Variants in HSPD1 observed in about 807,000 individuals in gnomAD.
The protein encoded by HSPD1 is heat shock protein family D (Hsp60) member 1, also known as 60 kDa heat shock protein, mitochondrial.
HSPD1 carries 3 observed loss-of-function variants against 53.0 expected under a neutral mutation model. That is an observed-to-expected ratio of 0.06 (90% confidence interval 0.03 to 0.15). HSPD1 has a LOEUF of 0.15. Among genes scored for constraint, HSPD1 ranks in the 10% least tolerant of loss-of-function variants. The pLI, the probability that HSPD1 is intolerant of heterozygous loss-of-function variation, is 1.00. For synonymous variants in HSPD1, 200 were observed against 228.0 expected, an observed-to-expected ratio of 0.88 and a Z score of 1.10; for missense variants, 431 against 694.1, an observed-to-expected ratio of 0.62 and a Z score of 4.26.
intron 2 of HSPD1, among the ~76,000 whole-genome samples, chr2:197,498,415 G>A (rs2086187815): frequency 6.6e-6 from 1 of 152,178 alleles, no homozygotes; most frequent in Non-Finnish European, 1.5e-5. Flanking sequence ...TCGAGTTTAA[G>A]AATCCACCTT....
intron 4 of HSPD1, 102 bp from the exon 5 acceptor site, chr2:197,494,854 C>G: frequency 1.3e-6 from 1 of 793,422 alleles, no homozygotes; most frequent in Non-Finnish European, 2.3e-6. Context: ...TACTTCCATC[C>G]AGGGGAGAGA....
chr2:197,500,184 T>C, upstream of HSPD1: 1 of 583,372 alleles, frequency 1.7e-6, no homozygotes, highest in Middle Eastern at 4.7e-4. Flanking sequence ...TAGAAAAGCC[T>C]AGAAACAGCT....
chr2:197,492,147 T>C (rs763531968), intron 7 of HSPD1, among the ~76,000 whole-genome samples: 1 of 152,192 alleles, frequency 6.6e-6, no homozygotes, highest in Non-Finnish European at 1.5e-5. Flanking sequence ...ACAGAGTCTG[T>C]CTCTCAAAAT....
intron 8 of HSPD1, among the ~76,000 whole-genome samples, chr2:197,489,654 G>A: frequency 6.6e-6 from 1 of 152,092 alleles, no homozygotes; most frequent in Admixed American, 6.6e-5. Flanking sequence ...GAGTCCAGAA[G>A]TTTGAGAAGC....
Position 197,497,266 on chromosome 2 carries a change from C to T in HSPD1, c.301G>A (p.Val101Ile), listed in dbSNP as rs973112544. ...GCTTCTTCATTTGTGTTATTGGCAA[C>T]ATCTTGAACAAGTTTAGCTCCAATG... ...KNIGAKLVQD[V>I]ANNTNEEAGD... The change falls in exon 3 of 12, where the codon GTT becomes ATT. Residue 101 changes from valine to isoleucine, a missense_variant. By Grantham distance (29) the Val-to-Ile change is conservative. Coordinates refer to ENST00000388968, the MANE Select transcript of HSPD1 (RefSeq NM_002156.5). 1 of 1,614,076 alleles carries T rather than the reference C, an allele frequency of 6.2e-7. No individual in the cohort carries two copies. The highest frequency in any genetic ancestry group is 8.5e-7 in the Non-Finnish European group (1 of 1,179,932).
At position 197,496,895 on chromosome 2, in the gene HSPD1, G is replaced by C. The variant is rs1670877092; in HGVS notation, c.427+245C>G. ...AGTGCAGTCCAGCCTGGGCTACAGA[G>C]CAAGACCCTGTCTCTAAAAACAAAA... On this transcript the variant is annotated intron_variant, in intron 3 of 11. Transcript: ENST00000388968. 57 of 508,162 alleles carry C rather than the reference G, an allele frequency of 1.1e-4. No homozygotes were observed. In the South Asian group the frequency reaches 1.1e-3, roughly 10 times the overall value. 31.5% of individuals were successfully genotyped at this position (508,162 alleles called of 1,614,324 possible). A position where few individuals can be genotyped will look rare whatever the true frequency, so the allele number is the denominator to read the frequency against.
At position 197,490,407 on chromosome 2, in the gene HSPD1, G is replaced by A; in HGVS notation, c.870-111C>T. 4.2e-6 allele frequency: 3 copies of A among 713,338 alleles called. No individual in the cohort carries two copies. In the South Asian group the frequency reaches 4.9e-5, roughly 12 times the overall value. 44.2% of individuals were successfully genotyped at this position (713,338 alleles called of 1,614,324 possible). A position where few individuals can be genotyped will look rare whatever the true frequency, so the allele number is the denominator to read the frequency against. ...AGGACTCCCTAAGTAATCTGGTTTGGTTTTTGTGTTTTTTTGTTTTTTTTT... is the reference window on the plus strand; with the variant it reads ...AGGACTCCCTAAGTAATCTGGTTTGATTTTTGTGTTTTTTTGTTTTTTTTT... On this transcript the variant is annotated intron_variant, in intron 7 of 11. Transcript: ENST00000388968.
intron 5 of HSPD1, 48 bp downstream of exon 5, chr2:197,494,609 G>GATC (rs770669731): frequency 5.9e-6 from 5 of 847,776 alleles, no homozygotes; most frequent in Non-Finnish European, 8.8e-6. Flanking sequence ...TCAAACTTTT[G>GATC]ATCATAAGAT....
chr2:197,494,972 T>C, intron 4 of HSPD1: 1 of 601,532 alleles, frequency 1.7e-6, no homozygotes, highest in Non-Finnish European at 3.0e-6. Flanking sequence ...AAAACTATTC[T>C]TGTAACAAAA....
intron 7 of HSPD1, 21 bp downstream of exon 7, chr2:197,493,303 A>G (rs756441012): frequency 6.2e-7 from 1 of 1,600,500 alleles, no homozygotes; most frequent in South Asian, 1.1e-5. Flanking sequence ...ATATAAATCA[A>G]CAAATACCAC....
At chr2:197,498,481 T>C (rs1357378658) in intron 2 of HSPD1, among the ~76,000 whole-genome samples, 194 bp downstream of exon 2, 1 of 152,254 alleles carries the variant, frequency 6.6e-6, no homozygotes, top group East Asian at 1.9e-4. Context: ...GTTTCGAAAA[T>C]CTGGCTGAAG....
At chr2:197,494,102 G>A in intron 6 of HSPD1, 55 bp downstream of exon 6, 1 of 881,140 alleles carries the variant, frequency 1.1e-6, no homozygotes, top group South Asian at 1.4e-5. Context: ...CAGAGAATGA[G>A]ACTCTGTCTA....
In HSPD1 at chr2:197,497,177, C is replaced by A; in HGVS notation, c.390G>T (p.Lys130Asn). The A allele has an allele frequency of 6.2e-7, 1 of 1,614,194 alleles. No individual in the cohort carries two copies. The highest frequency in any genetic ancestry group is 8.5e-7 in the Non-Finnish European group (1 of 1,179,998). Residue 130 changes from lysine to asparagine, a missense_variant, in exon 3 of 12, where the codon AAG (lysine) becomes AAT (asparagine). Around this residue, in one of 2 missense-constraint regions of HSPD1, gnomAD observed 386 missense variants for 657.6 expected, o/e 0.59. Coordinates refer to ENST00000388968, the MANE Select transcript of HSPD1 (RefSeq NM_002156.5). ...CCACTGGATTAGCACCTTTGCTAAT[C>A]TTCTCGAAGCCTTCCTTGGCTATAG... is the stretch of plus-strand genomic sequence containing the variant. ...ARSIAKEGFE[K>N]ISKGANPVEI...
chr2:197,487,711 T>C, intron 11 of HSPD1, 147 bp downstream of exon 11: 1 of 689,998 alleles, frequency 1.4e-6, no homozygotes, highest in South Asian at 1.7e-5. Flanking sequence ...GAAATGTACA[T>C]GAGAATTGTT....
At chr2:197,487,829 G>C in intron 11 of HSPD1, 29 bp downstream of exon 11, 1 of 1,590,572 alleles carries the variant, frequency 6.3e-7, no homozygotes. Context: ...AACAACAAAA[G>C]AATTTTTAGA....
rs745957511 is a variant in HSPD1 at position 197,495,380 on chromosome 2, G to A, written c.428-4C>T. The A allele has an allele frequency of 2.5e-6, 4 of 1,573,714 alleles. No individual in the cohort carries two copies. Among genetic ancestry groups the A allele is most frequent in the Non-Finnish European group, 3.5e-6 (4 of 1,143,400 alleles). ...GCATCAACAGCTAACATCACACCTA[G>A]TTCAACGATATATGTCATTACAATG... On this transcript the variant is annotated splice_polypyrimidine_tract_variant and splice_region_variant and intron_variant, in intron 3 of 11. Transcript: ENST00000388968.
At position 197,497,049 on chromosome 2, in the gene HSPD1, C is replaced by A. The variant is rs573801617; in HGVS notation, c.427+91G>T. The A allele has an allele frequency of 1.9e-4, 244 of 1,282,558 alleles. 3 individuals are homozygous for A. In the South Asian group the frequency reaches 2.8e-3, roughly 15 times the overall value. 79.4% of individuals were successfully genotyped at this position (1,282,558 alleles called of 1,614,324 possible). On this transcript the variant is annotated intron_variant, in intron 3 of 11. Transcript: ENST00000388968. ...GGAGGAATGAGAGAAGGATTAATTT[C>A]CTCAAGTTAACACTTTCCTTAGGTC...
intron 8 of HSPD1, 125 bp from the exon 9 acceptor site, chr2:197,489,372 G>A (rs938920949): frequency 9.9e-7 from 1 of 1,014,872 alleles, no homozygotes. Context: ...GAGATTTTAA[G>A]ATCACTGTTA....
intron 6 of HSPD1, among the ~76,000 whole-genome samples, chr2:197,493,905 C>T (rs2086123968): frequency 6.6e-6 from 1 of 152,142 alleles, no homozygotes; most frequent in Non-Finnish European, 1.5e-5. Flanking sequence ...GTTAAGAGAC[C>T]AGCCTGGCCA....
Sources: allele counts gnomAD v4.1 joint callset (sites outside exome capture counted in the v4.1 genomes callset), GRCh38; gene constraint gnomAD v4.1.1; regional missense constraint gnomAD v4.1.1; transcripts MANE v1.5; gene names NCBI Gene and HGNC (gene_info 2026-07-23, HGNC 2026-07-21).